Variants in EPG5 observed in about 807,000 individuals in gnomAD.
EPG5 encodes the protein ectopic P granules protein 5 homolog.
Under a neutral mutation model 302.7 loss-of-function variants are expected in EPG5, and 159 were observed. The observed-to-expected ratio is 0.53, with a 90% confidence interval of 0.46 to 0.60. EPG5 has a LOEUF of 0.60. EPG5 is among the 20% of genes least tolerant of loss of function. The probability of loss-of-function intolerance (pLI) is 0.00; values close to 1 mark genes in which losing one functional copy is unlikely to be tolerated. For synonymous variants in EPG5, 1,158 were observed against 1,136.8 expected, an observed-to-expected ratio of 1.02 and a Z score of -0.37; for missense variants, 2,896 against 3,092.4, an observed-to-expected ratio of 0.94 and a Z score of 1.51.
intron 11 of EPG5, among the ~76,000 whole-genome samples, chr18:45,931,127 G>C (rs545506305): frequency 6.6e-6 from 1 of 152,312 alleles, no homozygotes; most frequent in South Asian, 2.1e-4. Flanking sequence ...CACTGGTGAC[G>C]TGCTTAGTTA....
chr18:45,854,092 G>A (rs1484561907), intron 43 of EPG5, among the ~76,000 whole-genome samples: 1 of 152,192 alleles, frequency 6.6e-6, no homozygotes, highest in African/African-American at 2.4e-5. Context: ...TGCAGGTACT[G>A]GTGGCCACAG....
rs2048435476 is a variant in EPG5 at position 45,852,404 on chromosome 18, T to C, written c.*63A>G. 2.0e-6 allele frequency: 3 copies of C among 1,498,696 alleles called. No homozygotes were observed. The highest frequency in any genetic ancestry group is 2.7e-6 in the Non-Finnish European group (3 of 1,101,844). The allele number at this position is 1,498,696 out of a possible 1,614,324, so 92.8% of individuals were successfully genotyped here. ...CAGTGCAATTGAGCAAAGTTACTTG[T>C]GCAACAGCAAAGTTAAATGTAAACA... On this transcript the variant is annotated 3_prime_UTR_variant, in exon 44 of 44. Coordinates refer to ENST00000282041, the MANE Select transcript of EPG5 (RefSeq NM_020964.3).
At chr18:45,819,659 A>T in the EPG5 span, among the ~76,000 whole-genome samples, 1 of 152,224 alleles carries the variant, frequency 6.6e-6, no homozygotes, top group Admixed American at 6.5e-5. Flanking sequence ...TAATTAATAG[A>T]AGATAGGTGT....
At chr18:45,806,917 G>A in the EPG5 span, among the ~76,000 whole-genome samples, 4 of 152,302 alleles carry the variant, frequency 2.6e-5, no homozygotes, top group Admixed American at 2.6e-4. Flanking sequence ...CACAGGCAGG[G>A]GAAGAAGGAA....
intron 28 of EPG5, 125 bp from the exon 29 acceptor site, chr18:45,888,032 G>C: frequency 1.5e-6 from 1 of 670,760 alleles, no homozygotes; most frequent in Non-Finnish European, 2.3e-6. Flanking sequence ...CCATGAAAAT[G>C]TCACTTTAGA....
the EPG5 span, among the ~76,000 whole-genome samples, chr18:45,810,007 G>A: frequency 2.0e-5 from 3 of 152,012 alleles, no homozygotes; most frequent in African/African-American, 4.8e-5. Context: ...ATCCAAATAA[G>A]CTCAATAAGA....
the EPG5 span, among the ~76,000 whole-genome samples, chr18:45,834,598 A>G: frequency 6.6e-6 from 1 of 152,218 alleles, no homozygotes; most frequent in Non-Finnish European, 1.5e-5. Flanking sequence ...TCTTTACGGC[A>G]TCTGGCAGAC....
the EPG5 span, chr18:45,842,544 A>G: frequency 4.4e-6 from 1 of 229,570 alleles, no homozygotes; most frequent in Non-Finnish European, 8.7e-6. Flanking sequence ...AGTAAAGCAG[A>G]CAGGAAACTG....
Position 45,939,750 on chromosome 18 carries a change from G to C in EPG5, c.1949C>G (p.Thr650Ser). The C allele has an allele frequency of 6.2e-7, 1 of 1,613,364 alleles. No homozygotes were observed. The stretch of plus-strand genomic sequence containing the variant: ...CCAATGGTCACTTACATAACCAAGA[G>C]TCATCCTGAGCATGAGGAAAGATAA... ...VKRIGYMIRM[T>S]LGYVSDHWAQ... Residue 650 changes from threonine to serine, a missense_variant, in exon 10 of 44, where the codon ACT becomes AGT. Physicochemically the swap from Thr to Ser is moderately conservative, Grantham distance 58. Around this residue, in one of 5 missense-constraint regions of EPG5, gnomAD observed 1,390 missense variants for 1,430.0 expected, o/e 0.97. Transcript: ENST00000282041.
downstream of EPG5, chr18:45,842,877 G>A (rs550510222): frequency 1.6e-4 from 25 of 152,654 alleles, no homozygotes; most frequent in African/African-American, 6.0e-4. Context: ...CAGAGAGCAA[G>A]CCTGGGGCAG....
At position 45,948,580 on chromosome 18, in the gene EPG5, A is replaced by T; in HGVS notation, c.1498-4T>A. ...ATGGGTTATGCAACACTTTGATCTG[A>T]AATCAGAAAAGCAAAAAGCATACTG... On this transcript the variant is annotated splice_polypyrimidine_tract_variant and splice_region_variant and intron_variant, in intron 5 of 43. Transcript: ENST00000282041. The T allele has an allele frequency of 6.2e-7, 1 of 1,612,308 alleles. No homozygotes were observed. Among genetic ancestry groups the T allele is most frequent in the Non-Finnish European group, 8.5e-7 (1 of 1,178,518 alleles).
chr18:45,920,748 C>T (rs1349760099), intron 16 of EPG5, among the ~76,000 whole-genome samples: 1 of 152,162 alleles, frequency 6.6e-6, no homozygotes, highest in Admixed American at 6.5e-5. Context: ...ACCCAAACAC[C>T]TCCCATTAGG....
chr18:45,899,294 T>C, intron 27 of EPG5, 110 bp downstream of exon 27: 1 of 1,282,202 alleles, frequency 7.8e-7, no homozygotes, highest in Non-Finnish European at 1.1e-6. Flanking sequence ...TAGTAAATGT[T>C]TGGGACACAG....
At chr18:45,931,126 C>T (rs553786256) in intron 11 of EPG5, among the ~76,000 whole-genome samples, 6 of 152,316 alleles carry the variant, frequency 3.9e-5, no homozygotes, top group East Asian at 1.9e-4. Flanking sequence ...TCACTGGTGA[C>T]GTGCTTAGTT....
At chr18:45,883,778 T>A (rs981846672) in intron 30 of EPG5, among the ~76,000 whole-genome samples, 9 of 151,246 alleles carry the variant, frequency 6.0e-5, no homozygotes, top group African/African-American at 1.7e-4. Flanking sequence ...AAGGTTTTGA[T>A]TCATAGATGT....
intron 16 of EPG5, among the ~76,000 whole-genome samples, chr18:45,919,514 G>GT (rs758397737): frequency 0.11 from 15,972 of 139,798 alleles, 1,093 homozygotes; most frequent in African/African-American, 0.2. Flanking sequence ...TACATGTGTG[G>GT]TTTTTTTTTT....
chr18:45,846,228 T>C (rs2048362043), downstream of EPG5, among the ~76,000 whole-genome samples: 1 of 151,946 alleles, frequency 6.6e-6, no homozygotes, highest in Non-Finnish European at 1.5e-5. Flanking sequence ...CTCAAAGCCC[T>C]GTAAGATCCC....
At chr18:45,895,911 C>T (rs1386409669) in intron 27 of EPG5, among the ~76,000 whole-genome samples, 1 of 152,190 alleles carries the variant, frequency 6.6e-6, no homozygotes, top group Non-Finnish European at 1.5e-5. Context: ...TCATCCATAA[C>T]CAATATTATC....
the EPG5 span, among the ~76,000 whole-genome samples, chr18:45,808,980 T>C: frequency 6.6e-6 from 1 of 152,172 alleles, no homozygotes; most frequent in South Asian, 2.1e-4. Flanking sequence ...CACTATCTGC[T>C]GCCTTCAGGA....
Sources: allele counts gnomAD v4.1 joint callset (sites outside exome capture counted in the v4.1 genomes callset), GRCh38; gene constraint gnomAD v4.1.1; regional missense constraint gnomAD v4.1.1; transcripts MANE v1.5; gene names NCBI Gene and HGNC (gene_info 2026-07-23, HGNC 2026-07-21).